Variants in RASAL2 observed in about 807,000 individuals in gnomAD.
RASAL2 encodes the protein RAS protein activator like 2.
RASAL2 carries 58 observed loss-of-function variants against 128.9 expected under a neutral mutation model. The observed-to-expected ratio is 0.45, with a 90% CI of 0.36 to 0.56. The LOEUF (loss-of-function observed/expected upper bound fraction) is 0.56, where lower values mean the gene tolerates loss of function less well. Ranked by LOEUF, RASAL2 falls within the 20% of genes least tolerant of loss-of-function variation. The pLI is 0.00. For synonymous variants in RASAL2, 561 were observed against 580.8 expected (o/e 0.97, Z 0.49); for missense variants, 1,360 against 1,601.6 (o/e 0.85, Z 2.57).
At chr1:178,386,744 G>A (rs12063605) in intron 3 of RASAL2, among the ~76,000 whole-genome samples, 5,820 of 152,208 alleles carry the variant, frequency 0.038, 364 homozygotes, top group African/African-American at 0.13. Context: ...TAAAATGACT[G>A]TAATTAAATA....
intron 1 of RASAL2, among the ~76,000 whole-genome samples, chr1:178,197,441 G>A (rs919320422): frequency 2.7e-5 from 4 of 150,928 alleles, no homozygotes; most frequent in Non-Finnish European, 3.0e-5. Context: ...GCGACAGAGC[G>A]AGACTCTGTC....
chr1:178,162,332 AAT>A (rs1661339322), intron 1 of RASAL2, among the ~76,000 whole-genome samples: 2 of 128,674 alleles, frequency 1.6e-5, no homozygotes, highest in Middle Eastern at 3.3e-3. Context: ...TTATATTTAT[AAT>A]ATATATTATG....
chr1:178,228,672 T>C (rs1663880271), intron 1 of RASAL2, among the ~76,000 whole-genome samples: 1 of 152,234 alleles, frequency 6.6e-6, no homozygotes, highest in Non-Finnish European at 1.5e-5. Context: ...CCTTACCTCT[T>C]GGTATAAGAC....
chr1:178,405,861 T>G (rs1673970024), intron 4 of RASAL2, among the ~76,000 whole-genome samples: 1 of 152,218 alleles, frequency 6.6e-6, no homozygotes, highest in African/African-American at 2.4e-5. Context: ...CTATGTTAAT[T>G]TCTTAGTTTT....
At chr1:178,434,406 A>G (rs1389075787) in intron 5 of RASAL2, among the ~76,000 whole-genome samples, 5 of 152,128 alleles carry the variant, frequency 3.3e-5, no homozygotes, top group Admixed American at 6.6e-5. Flanking sequence ...ATTTTTGTCT[A>G]TGCTGATACA....
At chr1:178,314,901 C>G (rs966950852) in intron 3 of RASAL2, among the ~76,000 whole-genome samples, 9 of 148,290 alleles carry the variant, frequency 6.1e-5, no homozygotes, top group African/African-American at 2.2e-4. Context: ...AACTCGTCAT[C>G]TAGCATTAGG....
chr1:178,242,851 T>G (rs1487603925), intron 1 of RASAL2, among the ~76,000 whole-genome samples: 2 of 152,164 alleles, frequency 1.3e-5, no homozygotes, highest in Non-Finnish European at 2.9e-5. Context: ...CTCAGTCTCC[T>G]GAGTAGCTCT....
At chr1:178,421,490 T>G (rs1675138807) in intron 5 of RASAL2, among the ~76,000 whole-genome samples, 1 of 151,678 alleles carries the variant, frequency 6.6e-6, no homozygotes, top group South Asian at 2.1e-4. Flanking sequence ...TCTCATGTAA[T>G]ACAACAACCC....
At chr1:178,412,073 AAG>A (rs1491532723) in intron 4 of RASAL2, 7 of 351,578 alleles carry the variant, frequency 2.0e-5, no homozygotes, top group Non-Finnish European at 3.2e-5. Context: ...AAAAAAAAAA[AAG>A]AGTAGGTGGC....
At chr1:178,468,442 T>A (rs193096061) in intron 17 of RASAL2, among the ~76,000 whole-genome samples, 1 of 152,328 alleles carries the variant, frequency 6.6e-6, no homozygotes, top group African/African-American at 2.4e-5. Flanking sequence ...TTCTTAAACA[T>A]GTACTTAACA....
At chr1:178,098,618 T>C (rs145480382) in intron 1 of RASAL2, among the ~76,000 whole-genome samples, 3 of 152,280 alleles carry the variant, frequency 2.0e-5, no homozygotes, top group Admixed American at 1.3e-4. Context: ...GTATGACAGG[T>C]CTGCAAGTAT....
At chr1:178,378,466 T>C (rs2102550605) in intron 3 of RASAL2, among the ~76,000 whole-genome samples, 1 of 152,200 alleles carries the variant, frequency 6.6e-6, no homozygotes, top group African/African-American at 2.4e-5. Flanking sequence ...TTAATGGACA[T>C]ATATAGAATC....
chr1:178,380,112 C>T (rs1462563851), intron 3 of RASAL2, among the ~76,000 whole-genome samples: 1 of 152,184 alleles, frequency 6.6e-6, no homozygotes, highest in African/African-American at 2.4e-5. Flanking sequence ...TGGTCTCGAA[C>T]TCCTGAACTC....
intron 3 of RASAL2, among the ~76,000 whole-genome samples, chr1:178,363,775 TA>T (rs1671248165): frequency 6.6e-6 from 1 of 152,152 alleles, no homozygotes; most frequent in African/African-American, 2.4e-5. Flanking sequence ...AAATATTATT[TA>T]TTGGTGGAAA....
At chr1:178,142,950 A>G (rs1248019671) in intron 1 of RASAL2, among the ~76,000 whole-genome samples, 2 of 151,816 alleles carry the variant, frequency 1.3e-5, no homozygotes, top group Non-Finnish European at 2.9e-5. Flanking sequence ...CTCCTGGGTA[A>G]TGGCCTGTTC....
At chr1:178,166,786 T>C (rs1402681904) in intron 1 of RASAL2, among the ~76,000 whole-genome samples, 1 of 152,158 alleles carries the variant, frequency 6.6e-6, no homozygotes, top group Non-Finnish European at 1.5e-5. Flanking sequence ...CATAAAAATG[T>C]CAGAAAATTG....
At chr1:178,291,147 A>T (rs534376491) in intron 2 of RASAL2, among the ~76,000 whole-genome samples, 44 of 152,318 alleles carry the variant, frequency 2.9e-4, no homozygotes, top group Non-Finnish European at 5.6e-4. Flanking sequence ...GAAGGGAAGG[A>T]CATTCTGAGT....
intron 3 of RASAL2, among the ~76,000 whole-genome samples, chr1:178,327,986 C>T (rs1669117195): frequency 6.6e-6 from 1 of 152,144 alleles, no homozygotes; most frequent in South Asian, 2.1e-4. Context: ...GCAAGCAGGT[C>T]TTCTCCCCTG....
intron 5 of RASAL2, among the ~76,000 whole-genome samples, chr1:178,434,854 C>A (rs1182455484): frequency 6.6e-6 from 1 of 151,656 alleles, no homozygotes; most frequent in East Asian, 1.9e-4. Flanking sequence ...CACAAAATAC[C>A]TAATTGGAAA....
Sources: allele counts gnomAD v4.1 joint callset (sites outside exome capture counted in the v4.1 genomes callset), GRCh38; gene constraint gnomAD v4.1.1; transcripts MANE v1.5; gene names NCBI Gene and HGNC (gene_info 2026-07-23, HGNC 2026-07-21).